Variants in LMTK2 observed in about 807,000 individuals in gnomAD.
LMTK2 encodes serine/threonine-protein kinase LMTK2.
A neutral mutation model predicts 127.5 loss-of-function variants in LMTK2; 37 were observed. The observed-to-expected ratio is 0.29, with a 90% CI of 0.22 to 0.38. The LOEUF is 0.38. Among genes scored for constraint, LMTK2 ranks in the 10% least tolerant of loss-of-function variants. The pLI, the probability that LMTK2 is intolerant of heterozygous loss-of-function variation, is 1.00. For synonymous variants in LMTK2, 819 were observed against 810.1 expected (o/e 1.01, Z -0.19); for missense variants, 1,694 against 1,920.3 (o/e 0.88, Z 2.20).
chr7:98,172,056 C>T (rs2116425638), intron 7 of LMTK2, among the ~76,000 whole-genome samples: 1 of 152,256 alleles, frequency 6.6e-6, no homozygotes, highest in African/African-American at 2.4e-5. Context: ...AGTTCACATT[C>T]CTGAGAGAGG....
intron 6 of LMTK2, among the ~76,000 whole-genome samples, chr7:98,159,919 G>T (rs999644209): frequency 3.3e-5 from 5 of 152,188 alleles, no homozygotes; most frequent in African/African-American, 1.2e-4. Context: ...TATGTTTAAA[G>T]AGTTAGATTT....
intron 3 of LMTK2, among the ~76,000 whole-genome samples, chr7:98,145,067 G>T (rs1039706742): frequency 1.3e-5 from 2 of 152,006 alleles, no homozygotes; most frequent in Non-Finnish European, 2.9e-5. Context: ...TATAATTTTG[G>T]TGGGTCTTGC....
At chr7:98,110,147 G>C (rs1158858120) in intron 1 of LMTK2, among the ~76,000 whole-genome samples, 2 of 152,128 alleles carry the variant, frequency 1.3e-5, no homozygotes, top group East Asian at 3.8e-4. Flanking sequence ...TGGTGCCTTA[G>C]AGAAAGCATG....
At chr7:98,159,217 T>G (rs1796976664) in intron 5 of LMTK2, 121 bp from the exon 6 acceptor site, 8 of 552,774 alleles carry the variant, frequency 1.4e-5, no homozygotes, top group Non-Finnish European at 2.5e-5. Flanking sequence ...GTAAATATTA[T>G]ATAAATTATT....
chr7:98,198,847 A>C (rs1797669696), intron 11 of LMTK2, among the ~76,000 whole-genome samples: 1 of 152,172 alleles, frequency 6.6e-6, no homozygotes, highest in Non-Finnish European at 1.5e-5. Context: ...CACCCAGCAA[A>C]TTTTAATGTG....
intron 1 of LMTK2, among the ~76,000 whole-genome samples, chr7:98,128,927 G>T (rs1196970147): frequency 6.6e-6 from 1 of 152,174 alleles, no homozygotes; most frequent in African/African-American, 2.4e-5. Flanking sequence ...GTACATGTTT[G>T]TGGGAGTTCT....
Position 98,174,407 on chromosome 7 carries a change from C to T in LMTK2, c.791+2733C>T, listed in dbSNP as rs1212414028. ...GAGCCTTAACCTGGAGTCTGAGGAG[C>T]CTGTGTCTCTGAAGTCGTGCATGTG... On this transcript the variant is annotated intron_variant, in intron 7 of 13. Transcript: ENST00000297293. 4.6e-5 allele frequency among the ~76,000 whole-genome samples: 7 copies of T among 152,288 alleles called. 1 individual carries two copies. The highest frequency in any genetic ancestry group is 4.6e-4 in the Admixed American group (7 of 15,292).
At chr7:98,203,509 G>C in intron 11 of LMTK2, 65 bp from the exon 12 acceptor site, 1 of 1,524,352 alleles carries the variant, frequency 6.6e-7, no homozygotes, top group African/African-American at 1.4e-5. Context: ...CAGTGGGGAA[G>C]CGGTCACACG....
chr7:98,144,283 A>T (rs1796737963), intron 3 of LMTK2, among the ~76,000 whole-genome samples: 1 of 152,002 alleles, frequency 6.6e-6, no homozygotes, highest in African/African-American at 2.4e-5. Flanking sequence ...ACAAAAAAAA[A>T]TTAGCTGGGC....
chr7:98,179,103 C>G (rs1382873422), intron 7 of LMTK2, among the ~76,000 whole-genome samples: 1 of 152,250 alleles, frequency 6.6e-6, no homozygotes, highest in Non-Finnish European at 1.5e-5. Flanking sequence ...CCCCTGGGAA[C>G]ACCAGTTGCT....
chr7:98,149,805 T>G (rs1035708938), intron 3 of LMTK2, among the ~76,000 whole-genome samples: 1 of 152,310 alleles, frequency 6.6e-6, no homozygotes, highest in African/African-American at 2.4e-5. Context: ...AAATTAAAAT[T>G]TAAAGTGTTT....
chr7:98,185,088 T>A lies in LMTK2; in HGVS notation c.829T>A (p.Leu277Ile). 3 of 1,612,976 alleles carry A rather than the reference T, an allele frequency of 1.9e-6. No homozygotes were observed. The highest frequency in any genetic ancestry group is 2.5e-6 in the Non-Finnish European group (3 of 1,179,062). The change falls in exon 8 of 14, where the codon TTA becomes ATA. Residue 277 changes from leucine (L) to isoleucine (I), a missense_variant. By Grantham distance (5) the Leu-to-Ile change is conservative (BLOSUM62 2). Coordinates refer to ENST00000297293, the MANE Select transcript of LMTK2 (RefSeq NM_014916.4). ...GCGGAATTGTTTTCTCACCTCCGAC[T>A]TAAATGTGAAAGTGGGAGATTACGG... is the stretch of plus-strand genomic sequence containing the variant. ...ALRNCFLTSDLNVKVGDYGIG... is the reference protein window; with the variant it reads ...ALRNCFLTSDINVKVGDYGIG...
At chr7:98,133,838 A>G (rs1796560889) in intron 1 of LMTK2, among the ~76,000 whole-genome samples, 1 of 152,220 alleles carries the variant, frequency 6.6e-6, no homozygotes, top group African/African-American at 2.4e-5. Context: ...TCAGATAATT[A>G]GGCTGGCATT....
rs115254263 is a variant in LMTK2, at chr7:98,195,980, G to A, written c.4107+1408G>A. Among the ~76,000 whole-genome samples the A allele has an allele frequency of 5.9e-3, 894 of 152,138 alleles. 10 individuals carry two copies. The highest frequency in any genetic ancestry group is 0.02 in the African/African-American group (828 of 41,494). ...CAAGGTGGGCGGATCACCTGACGTC[G>A]GGAATTCAAGACCAGCCTGGGCAAC... On this transcript the variant is annotated intron_variant, in intron 11 of 13. Transcript: ENST00000297293.
At chr7:98,146,093 C>A (rs1265124008) in intron 3 of LMTK2, among the ~76,000 whole-genome samples, 1 of 152,094 alleles carries the variant, frequency 6.6e-6, no homozygotes, top group East Asian at 1.9e-4. Context: ...TGTCCTGGAA[C>A]CCTTTTTGAA....
intron 7 of LMTK2, among the ~76,000 whole-genome samples, chr7:98,180,033 T>C (rs1797332166): frequency 6.6e-6 from 1 of 152,210 alleles, no homozygotes; most frequent in African/African-American, 2.4e-5. Flanking sequence ...AGGAAAATAA[T>C]AGTACCCACC....
chr7:98,169,253 C>T (rs1042084693), intron 6 of LMTK2, among the ~76,000 whole-genome samples: 1 of 152,088 alleles, frequency 6.6e-6, no homozygotes, highest in East Asian at 1.9e-4. Flanking sequence ...GATATTTTTG[C>T]CTGGAATGTA....
intron 4 of LMTK2, among the ~76,000 whole-genome samples, chr7:98,152,838 C>G (rs958715105): frequency 3.9e-5 from 6 of 152,080 alleles, no homozygotes; most frequent in Non-Finnish European, 7.4e-5. Context: ...CTAGAAGGCT[C>G]CTGCAGGCCC....
intron 1 of LMTK2, among the ~76,000 whole-genome samples, chr7:98,113,808 A>G (rs936148458): frequency 6.6e-6 from 1 of 152,240 alleles, no homozygotes; most frequent in African/African-American, 2.4e-5. Context: ...ATGTCTGCAG[A>G]GCAAAATATT....
Sources: gnomAD v4.1 joint callset for allele counts (sites outside exome capture counted in the v4.1 genomes callset) on GRCh38, gnomAD v4.1.1 for gene constraint, MANE v1.5 for transcripts, NCBI Gene and HGNC (gene_info 2026-07-23, HGNC 2026-07-21) for gene names.